GAPVD1: variants seen among roughly 807,000 people sequenced by gnomAD.
GAPVD1 encodes GTPase-activating protein and VPS9 domain-containing protein 1.
A neutral mutation model predicts 155.5 loss-of-function variants in GAPVD1; 35 were observed. That is an observed-to-expected ratio of 0.23 (90% confidence interval 0.17 to 0.30). The LOEUF is 0.30. Ranked by LOEUF, GAPVD1 falls within the 10% of genes least tolerant of loss-of-function variation. GAPVD1 has a pLI of 1.00. For synonymous variants in GAPVD1, 636 were observed against 619.7 expected (o/e 1.03, Z -0.39); for missense variants, 1,429 against 1,775.7 (o/e 0.80, Z 3.51).
intron 3 of GAPVD1, among the ~76,000 whole-genome samples, chr9:125,298,037 C>T (rs1178505969): frequency 3.9e-5 from 6 of 152,116 alleles, no homozygotes; most frequent in East Asian, 1.9e-4. Flanking sequence ...TGAGCCACCG[C>T]GCCCGGCTGT....
chr9:125,289,298 TTTACAGGC>T (rs1275666489), intron 2 of GAPVD1, among the ~76,000 whole-genome samples: 1 of 152,166 alleles, frequency 6.6e-6, no homozygotes, highest in Non-Finnish European at 1.5e-5. Flanking sequence ...TGACTCATGC[TTTACAGGC>T]TTACTCTGGC....
intron 6 of GAPVD1, among the ~76,000 whole-genome samples, chr9:125,307,163 G>A (rs952823226): frequency 6.6e-6 from 1 of 151,814 alleles, no homozygotes; most frequent in Non-Finnish European, 1.5e-5. Flanking sequence ...TACTCGGGAG[G>A]CTGAGGCAGG....
intron 2 of GAPVD1, among the ~76,000 whole-genome samples, chr9:125,294,045 T>C (rs1449547106): frequency 1.3e-5 from 2 of 150,848 alleles, no homozygotes; most frequent in African/African-American, 4.9e-5. Context: ...CCCTAGTAGC[T>C]GGGACTACGG....
chr9:125,359,432 A>C lies in GAPVD1; in HGVS notation c.3984A>C (p.Glu1328Asp), dbSNP rs1172755571. Residue 1328 changes from glutamate to aspartate, a missense_variant, in exon 26 of 28, where the codon GAA (glutamate) becomes GAC (aspartate). Around this residue, in one of 4 missense-constraint regions of GAPVD1, gnomAD observed 102 missense variants for 196.5 expected, o/e 0.52. Coordinates refer to ENST00000297933, the MANE Select transcript of GAPVD1 (RefSeq NM_001282680.3). ...GDILRDQVLHEHIQRLSKVVT... is the reference protein window; with the variant it reads ...GDILRDQVLHDHIQRLSKVVT... Reference sequence around the variant, plus strand: ...GGGGGGTTTTCAGGGTTCTTCATGAACATATCCAGAGATTGTCTAAAGTAG... The same window carrying C: ...GGGGGGTTTTCAGGGTTCTTCATGACCATATCCAGAGATTGTCTAAAGTAG... 1 of 1,587,456 alleles carries C rather than the reference A, an allele frequency of 6.3e-7. No individual in the cohort carries two copies. The highest frequency in any genetic ancestry group is 2.2e-5 in the East Asian group (1 of 44,702).
intron 2 of GAPVD1, among the ~76,000 whole-genome samples, chr9:125,292,789 A>G (rs762270898): frequency 1.3e-5 from 2 of 152,124 alleles, no homozygotes; most frequent in Non-Finnish European, 2.9e-5. Flanking sequence ...TGGGGCTTCC[A>G]TTTGGCTTCT....
chr9:125,286,346 G>A (rs562825207), intron 2 of GAPVD1, among the ~76,000 whole-genome samples: 16 of 152,020 alleles, frequency 1.1e-4, no homozygotes, highest in African/African-American at 3.9e-4. Flanking sequence ...GTTTTGCCAT[G>A]TTGCCTAGGC....
At chr9:125,298,481 A>ATTTTTTTT (rs34644117) in intron 3 of GAPVD1, among the ~76,000 whole-genome samples, 1 of 89,250 alleles carries the variant, frequency 1.1e-5, no homozygotes, top group Non-Finnish European at 2.0e-5. Context: ...ATGTAACCTA[A>ATTTTTTTT]TTTTTTTTTT....
Position 125,261,853 on chromosome 9 carries a change from A to AGGTGGCGGC in GAPVD1, c.-304_-296dup, listed in dbSNP as rs1832956751. 2.0e-5 allele frequency: 3 copies of AGGTGGCGGC among 153,156 alleles called. No individual in the cohort carries two copies. The highest frequency in any genetic ancestry group is 6.5e-5 in the Admixed American group (1 of 15,290). The allele number at this position is 153,156 out of a possible 1,614,324, so 9.5% of individuals were successfully genotyped here. On this transcript the variant is annotated 5_prime_UTR_variant, in exon 1 of 28. Coordinates refer to ENST00000297933, the MANE Select transcript of GAPVD1 (RefSeq NM_001282680.3). ...AGGGAAGCCAACAGGCGAGTGGCGA[A>AGGTGGCGGC]GGTGGCGGCAGCGGCGGCGGGGGCA... is the stretch of plus-strand genomic sequence containing the variant.
At chr9:125,331,865 G>C in intron 13 of GAPVD1, 61 bp from the exon 14 acceptor site, 2 of 1,537,270 alleles carry the variant, frequency 1.3e-6, no homozygotes, top group Non-Finnish European at 1.8e-6. Context: ...GGTCACAAAA[G>C]CTGAAATTGT....
chr9:125,331,737 T>C (rs1294129351), intron 13 of GAPVD1, among the ~76,000 whole-genome samples, 189 bp from the exon 14 acceptor site: 1 of 152,216 alleles, frequency 6.6e-6, no homozygotes, highest in Non-Finnish European at 1.5e-5. Context: ...AACTGGCTTA[T>C]ATTGGGATGA....
In GAPVD1 at chr9:125,330,096, T is replaced by G. The variant is rs373827346; in HGVS notation, c.2051T>G (p.Met684Arg). The change falls in exon 13 of 28, where the codon ATG becomes AGG. Residue 684 changes from methionine to arginine, a missense_variant. By Grantham distance (91) the Met-to-Arg change is moderately conservative. Transcript: ENST00000297933. ...QEIAGAAAEN[M>R]LGSLLCLPGS... ...TATACAGGTGCTGCAGCAGAGAACATGTTAGGCAGTTTGCTGTGCCTCCCA... is the reference window on the plus strand; with the variant it reads ...TATACAGGTGCTGCAGCAGAGAACAGGTTAGGCAGTTTGCTGTGCCTCCCA... 38 of 1,612,062 alleles carry G rather than the reference T, an allele frequency of 2.4e-5. No individual in the cohort carries two copies. Among genetic ancestry groups the G allele is most frequent in the Non-Finnish European group, 5.1e-6 (6 of 1,179,146 alleles).
At chr9:125,288,366 T>C (rs1428779582) in intron 2 of GAPVD1, among the ~76,000 whole-genome samples, 1 of 152,136 alleles carries the variant, frequency 6.6e-6, no homozygotes, top group Non-Finnish European at 1.5e-5. Flanking sequence ...CGCCTCAGCC[T>C]CCCAAAGTGC....
chr9:125,269,628 T>A (rs1422302895), intron 2 of GAPVD1, among the ~76,000 whole-genome samples: 1 of 151,626 alleles, frequency 6.6e-6, no homozygotes, highest in Non-Finnish European at 1.5e-5. Flanking sequence ...TTTCACCATG[T>A]TGGCTAGGCT....
chr9:125,284,684 G>T (rs772742828), intron 2 of GAPVD1, among the ~76,000 whole-genome samples: 2 of 152,014 alleles, frequency 1.3e-5, no homozygotes, highest in Non-Finnish European at 2.9e-5. Context: ...GTGTCATTAG[G>T]CAGTGTCATT....
chr9:125,348,539 G>A (rs894966838), intron 20 of GAPVD1, among the ~76,000 whole-genome samples: 7 of 152,008 alleles, frequency 4.6e-5, no homozygotes, highest in Admixed American at 1.3e-4. Context: ...TCGAGATGGA[G>A]TCTTACTTTG....
In GAPVD1 at chr9:125,342,316, A is replaced by G. The variant is rs904805511; in HGVS notation, c.3046+17A>G. On this transcript the variant is annotated intron_variant, in intron 19 of 27. Coordinates refer to ENST00000297933, the MANE Select transcript of GAPVD1 (RefSeq NM_001282680.3). ...CACTCACAGGTTTGTAGACCCATGGACTTCCTGGCTCCTTCATTCCCAGAG... is the reference window on the plus strand; with the variant it reads ...CACTCACAGGTTTGTAGACCCATGGGCTTCCTGGCTCCTTCATTCCCAGAG... 1 of 1,366,906 alleles carries G rather than the reference A, an allele frequency of 7.3e-7. No homozygotes were observed. Among genetic ancestry groups the G allele is most frequent in the Non-Finnish European group, 1.0e-6 (1 of 955,568 alleles). The allele number at this position is 1,366,906 out of a possible 1,614,324, so 84.7% of individuals were successfully genotyped here.
chr9:125,325,507 G>A (rs1165601903), intron 11 of GAPVD1, among the ~76,000 whole-genome samples: 5 of 121,066 alleles, frequency 4.1e-5, no homozygotes, highest in African/African-American at 1.8e-4. Context: ...GCGACAGAGC[G>A]AGACTCCATC....
intron 12 of GAPVD1, among the ~76,000 whole-genome samples, chr9:125,328,206 A>T (rs12000195): frequency 0.5 from 66,808 of 132,386 alleles, 16,667 homozygotes; most frequent in African/African-American, 0.65. Flanking sequence ...TTTTTTTTTT[A>T]AATTTATTTT....
intron 1 of GAPVD1, among the ~76,000 whole-genome samples, chr9:125,265,327 T>G (rs1833686275): frequency 6.6e-6 from 1 of 152,042 alleles, no homozygotes; most frequent in South Asian, 2.1e-4. Context: ...GGACTTGAAC[T>G]CCTGGACTTG....
Sources: allele counts gnomAD v4.1 joint callset (sites outside exome capture counted in the v4.1 genomes callset), GRCh38; gene constraint gnomAD v4.1.1; regional missense constraint gnomAD v4.1.1; transcripts MANE v1.5; gene names NCBI Gene and HGNC (gene_info 2026-07-23, HGNC 2026-07-21).